COBL: variants seen among roughly 807,000 people sequenced by gnomAD.
COBL encodes the protein cordon-bleu WH2 repeat protein, also known as protein cordon-bleu.
A neutral mutation model predicts 98.8 loss-of-function variants in COBL; 51 were observed. The observed-to-expected ratio is 0.52, with a 90% CI of 0.41 to 0.65. The LOEUF is 0.65. COBL is among the 30% of genes least tolerant of loss of function. The pLI, the probability that COBL is intolerant of heterozygous loss-of-function variation, is 0.00. For synonymous variants in COBL, 634 were observed against 651.7 expected, an observed-to-expected ratio of 0.97 and a Z score of 0.41; for missense variants, 1,617 against 1,617.5, an observed-to-expected ratio of 1.00 and a Z score of 0.01.
intron 6 of COBL, among the ~76,000 whole-genome samples, chr7:51,085,586 A>G (rs1313843674): frequency 1.3e-5 from 2 of 152,186 alleles, no homozygotes; most frequent in Non-Finnish European, 2.9e-5. Flanking sequence ...CATATTTTCT[A>G]GGGACTCCAG....
chr7:51,222,192 A>AAAT (rs71018500), intron 1 of COBL, among the ~76,000 whole-genome samples: 29 of 149,814 alleles, frequency 1.9e-4, no homozygotes, highest in African/African-American at 6.1e-4. Context: ...TCCGTCTCAA[A>AAAT]AATAATAATA....
chr7:51,315,046 A>C (rs1429308142), intron 1 of COBL, among the ~76,000 whole-genome samples: 3 of 152,138 alleles, frequency 2.0e-5, no homozygotes, highest in Non-Finnish European at 2.9e-5. Context: ...CTTCATATTT[A>C]TTTATAAGGT....
chr7:51,149,808 CT>C (rs2129020185), intron 5 of COBL, among the ~76,000 whole-genome samples: 1 of 152,224 alleles, frequency 6.6e-6, no homozygotes, highest in African/African-American at 2.4e-5. Flanking sequence ...GTTTCAGCAT[CT>C]TTGTAAATAG....
intron 5 of COBL, among the ~76,000 whole-genome samples, chr7:51,137,410 G>A (rs1194983678): frequency 6.6e-6 from 1 of 152,114 alleles, no homozygotes; most frequent in Non-Finnish European, 1.5e-5. Flanking sequence ...AATCAAATGA[G>A]TGACTGGATG....
chr7:51,080,213 T>C (rs1374688585), intron 7 of COBL, among the ~76,000 whole-genome samples: 3 of 152,338 alleles, frequency 2.0e-5, no homozygotes, highest in African/African-American at 4.8e-5. Context: ...TGAAGTTGTA[T>C]AGGACTTATT....
intron 5 of COBL, among the ~76,000 whole-genome samples, chr7:51,157,990 A>G (rs1350890430): frequency 1.3e-5 from 2 of 152,222 alleles, no homozygotes; most frequent in African/African-American, 4.8e-5. Context: ...GCCTTTCACT[A>G]TACTTCTTAA....
At chr7:51,054,624 C>A (rs942816112) in intron 7 of COBL, among the ~76,000 whole-genome samples, 1 of 152,230 alleles carries the variant, frequency 6.6e-6, no homozygotes, top group Non-Finnish European at 1.5e-5. Context: ...GCCAGGGGCC[C>A]TCGGAACCCC....
intron 1 of COBL, among the ~76,000 whole-genome samples, chr7:51,278,041 TA>T (rs1799470306): frequency 6.6e-6 from 1 of 152,150 alleles, no homozygotes; most frequent in African/African-American, 2.4e-5. Flanking sequence ...AGCGGGCCCC[TA>T]GGGACGTCTC....
In COBL at chr7:51,028,090, A is replaced by G; in HGVS notation, c.3006T>C (p.Ser1002=). Residue 1002 remains serine (S), a synonymous_variant, in exon 10 of 13, where the codon AGT becomes AGC. Transcript: ENST00000265136. ...CAGATGCTGAGCTGGCCTCCTGGCT[A>G]CTTGTGCTTTGCTTTCCACTGAAAC... The part of the protein sequence containing the change: ...SCGFSGKQST[S]SQEASSASEP... 6.2e-7 allele frequency: 1 copy of G among 1,614,044 alleles called. No homozygotes were observed. The highest frequency in any genetic ancestry group is 1.7e-4 in the Middle Eastern group (1 of 6,060).
intron 1 of COBL, among the ~76,000 whole-genome samples, chr7:51,271,787 T>C (rs1798782522): frequency 6.6e-6 from 1 of 152,354 alleles, no homozygotes; most frequent in African/African-American, 2.4e-5. Flanking sequence ...CCCAACACTT[T>C]GGAAGACCGA....
intron 6 of COBL, among the ~76,000 whole-genome samples, chr7:51,118,417 C>A (rs540633057): frequency 5.9e-5 from 9 of 152,024 alleles, no homozygotes; most frequent in Non-Finnish European, 1.2e-4. Context: ...GCTTCTCTGG[C>A]GGGTTCAAGA....
chr7:51,177,263 T>C (rs989676083), intron 5 of COBL, among the ~76,000 whole-genome samples: 1 of 152,076 alleles, frequency 6.6e-6, no homozygotes, highest in African/African-American at 2.4e-5. Context: ...CTGGGAGGGG[T>C]TGGTTCTCCA....
chr7:51,312,510 A>T (rs1803155751), intron 1 of COBL, among the ~76,000 whole-genome samples: 1 of 152,210 alleles, frequency 6.6e-6, no homozygotes, highest in Admixed American at 6.5e-5. Flanking sequence ...ACAAAATTAA[A>T]TTTAATCATA....
intron 1 of COBL, among the ~76,000 whole-genome samples, chr7:51,273,406 T>C (rs1798973011): frequency 6.6e-6 from 1 of 152,088 alleles, no homozygotes; most frequent in Non-Finnish European, 1.5e-5. Flanking sequence ...ATTTTTAATG[T>C]ATATTCTAGC....
At chr7:51,155,049 C>T (rs1173542423) in intron 5 of COBL, among the ~76,000 whole-genome samples, 1 of 152,120 alleles carries the variant, frequency 6.6e-6, no homozygotes, top group East Asian at 1.9e-4. Context: ...TGACTCTGTC[C>T]TCATAGAGCT....
intron 6 of COBL, among the ~76,000 whole-genome samples, chr7:51,115,207 G>A (rs1035302326): frequency 6.6e-6 from 1 of 151,892 alleles, no homozygotes; most frequent in Non-Finnish European, 1.5e-5. Flanking sequence ...TTGATCATAT[G>A]GTTGATCATG....
At position 51,124,254 on chromosome 7, in the gene COBL, T is replaced by C. The variant is rs1798001640; in HGVS notation, c.957+11904A>G. ...CGACTGGATGACGGTGCCTTTGCTG[T>C]CTTCCTGCTGGCCAGTGTACTTCCA... On this transcript the variant is annotated intron_variant, in intron 6 of 12. Coordinates refer to ENST00000265136, the MANE Select transcript of COBL (RefSeq NM_015198.5). 2.6e-5 allele frequency among the ~76,000 whole-genome samples: 4 copies of C among 152,200 alleles called. No individual in the cohort carries two copies. The South Asian group carries it at 8.3e-4, about 31-fold the overall frequency.
intron 2 of COBL, among the ~76,000 whole-genome samples, chr7:51,212,629 TC>T (rs1293839305): frequency 1.3e-5 from 2 of 152,144 alleles, no homozygotes; most frequent in African/African-American, 4.8e-5. Flanking sequence ...ATTCCTACAG[TC>T]CCCCTGTTCA....
intron 6 of COBL, among the ~76,000 whole-genome samples, chr7:51,090,325 G>A (rs1794690361): frequency 1.3e-5 from 2 of 152,204 alleles, no homozygotes; most frequent in African/African-American, 4.8e-5. Context: ...CCATAGGCAA[G>A]CTTAATGCCA....
Sources: gnomAD v4.1 joint callset for allele counts (sites outside exome capture counted in the v4.1 genomes callset) on GRCh38, gnomAD v4.1.1 for gene constraint, MANE v1.5 for transcripts, NCBI Gene and HGNC (gene_info 2026-07-23, HGNC 2026-07-21) for gene names.